Variants in FN1 observed in about 807,000 individuals in gnomAD.
FN1 encodes the protein fibronectin.
Under a neutral mutation model 297.3 loss-of-function variants are expected in FN1, and 106 were observed. That is an observed-to-expected ratio of 0.36 (90% confidence interval 0.30 to 0.42). FN1 has a LOEUF of 0.42. Among genes scored for constraint, FN1 ranks in the 10% least tolerant of loss-of-function variants. The pLI, the probability that FN1 is intolerant of heterozygous loss-of-function variation, is 1.00. For missense variants in FN1, 2,690 were observed against 3,124.9 expected, an observed-to-expected ratio of 0.86 and a Z score of 3.32; for synonymous variants, 1,149 against 1,152.6, an observed-to-expected ratio of 1.00 and a Z score of 0.06.
At position 215,409,619 on chromosome 2, in the gene FN1, G is replaced by A. The variant is rs766013525; in HGVS notation, c.2243C>T (p.Ser748Leu). The change falls in exon 15 of 46, where the codon TCG becomes TTG. Residue 748 changes from serine (S) to leucine (L), a missense_variant. Ser to Leu is a moderately radical substitution (Grantham distance 145, BLOSUM62 -2). This residue lies in a region of FN1 where 876 missense variants were observed against 1,058.1 expected (regional missense o/e 0.83). Transcript: ENST00000354785. ...VSWVSASDTVSGFRVEYELSE... is the reference protein window; with the variant it reads ...VSWVSASDTVLGFRVEYELSE... Reference sequence around the variant, plus strand: ...CAGCTCATATTCCACCCGGAATCCCGACACGGTGTCGGAAGCTGAGACCCA... The same window carrying A: ...CAGCTCATATTCCACCCGGAATCCCAACACGGTGTCGGAAGCTGAGACCCA... The A allele has an allele frequency of 5.6e-6, 9 of 1,613,974 alleles. No individual in the cohort carries two copies. The highest frequency in any genetic ancestry group is 3.3e-5 in the Admixed American group (2 of 60,004).
chr2:215,424,028 G>T, intron 8 of FN1, 118 bp downstream of exon 8: 1 of 1,038,720 alleles, frequency 9.6e-7, no homozygotes, highest in Non-Finnish European at 1.5e-6. Flanking sequence ...AGTCCAAACT[G>T]AACAAAAGCG....
chr2:215,383,893 A>G, intron 30 of FN1, 127 bp downstream of exon 30: 1 of 1,003,004 alleles, frequency 1.0e-6, no homozygotes, highest in Non-Finnish European at 1.5e-6. Flanking sequence ...TGCAGGTGCT[A>G]GCTGCAGGTT....
intron 29 of FN1, 137 bp downstream of exon 29, chr2:215,384,723 T>A: frequency 1.4e-6 from 1 of 695,752 alleles, no homozygotes. Flanking sequence ...TCTTACGTAT[T>A]TTCTTGGAAA....
chr2:215,361,118 T>G lies in FN1; in HGVS notation c.*437A>C, dbSNP rs1188735843. 2.3e-5 allele frequency: 4 copies of G among 170,292 alleles called. No homozygotes were observed. The highest frequency in any genetic ancestry group is 5.1e-5 in the Non-Finnish European group (4 of 78,442). 10.5% of individuals were successfully genotyped at this position (170,292 alleles called of 1,614,324 possible). A position where few individuals can be genotyped will look rare whatever the true frequency, so the allele number is the denominator to read the frequency against. ...GTGAGTACTGTGGATATTTAAAATA[T>G]CACAGTAACAAGATCATGCTTGTTC... On this transcript the variant is annotated 3_prime_UTR_variant, in exon 46 of 46. Transcript: ENST00000354785.
intron 21 of FN1, 24 bp downstream of exon 21, chr2:215,399,233 A>C (rs771367652): frequency 6.5e-7 from 1 of 1,546,848 alleles, no homozygotes; most frequent in Admixed American, 1.7e-5. Context: ...TGTATCACAG[A>C]GATTAGGAAC....
chr2:215,396,522 GAATAT>G (rs2060328268), intron 23 of FN1, among the ~76,000 whole-genome samples: 1 of 151,972 alleles, frequency 6.6e-6, no homozygotes, highest in African/African-American at 2.4e-5. Context: ...AGTTTGCATA[GAATAT>G]AATTAAAAAA....
rs1052314235 is a variant in FN1 at position 215,361,811 on chromosome 2, C to G, written c.7362+158G>C. 31 of 611,820 alleles carry G rather than the reference C, an allele frequency of 5.1e-5. No individual in the cohort carries two copies. The Admixed American group carries it at 1.8e-3, about 36-fold the overall frequency. 37.9% of individuals were successfully genotyped at this position (611,820 alleles called of 1,614,324 possible). ...TGTTCAAGAGTTACATAAATTATAACTTAAACTATATTATGGAATACAGTG... is the reference window on the plus strand; with the variant it reads ...TGTTCAAGAGTTACATAAATTATAAGTTAAACTATATTATGGAATACAGTG... On this transcript the variant is annotated intron_variant, in intron 45 of 45. Transcript: ENST00000354785.
Position 215,372,335 on chromosome 2 carries a change from AAG to A in FN1, c.6286_6287del (p.Leu2096SerfsTer24). The A allele has an allele frequency of 6.2e-7, 1 of 1,614,194 alleles. No individual in the cohort carries two copies. Among genetic ancestry groups the A allele is most frequent in the African/African-American group, 1.3e-5 (1 of 75,050 alleles). Reference sequence around the variant, plus strand: ...GAACATCCAAGATCTCTGGTCCATGAAGATTGGGGTGTGGAAGGGTTACCAGT... The same window carrying A: ...GAACATCCAAGATCTCTGGTCCATGAATTGGGGTGTGGAAGGGTTACCAGT... ...PQLVTLPHPN[L>X]HGPEILDVPS... On this transcript the variant is annotated frameshift_variant, in exon 40 of 46. Transcript: ENST00000354785. LOFTEE classifies it high-confidence loss of function.
At chr2:215,423,131 A>G (rs1242802504) in intron 9 of FN1, among the ~76,000 whole-genome samples, 1 of 152,116 alleles carries the variant, frequency 6.6e-6, no homozygotes, top group African/African-American at 2.4e-5. Context: ...AAAATTATAT[A>G]AATAATTATC....
At chr2:215,365,428 T>C in intron 43 of FN1, 77 bp downstream of exon 43, 2 of 1,474,820 alleles carry the variant, frequency 1.4e-6, no homozygotes, top group Non-Finnish European at 1.9e-6. Context: ...CAATCATTTC[T>C]GTGAATGAGA....
At chr2:215,401,974 C>T (rs2061229326) in intron 20 of FN1, among the ~76,000 whole-genome samples, 1 of 151,814 alleles carries the variant, frequency 6.6e-6, no homozygotes, top group Admixed American at 6.6e-5. Flanking sequence ...GATGGGTGAC[C>T]CGATGCCTTT....
intron 21 of FN1, among the ~76,000 whole-genome samples, chr2:215,398,244 C>A (rs1260831486): frequency 6.6e-6 from 1 of 152,198 alleles, no homozygotes; most frequent in Non-Finnish European, 1.5e-5. Flanking sequence ...ATTCAATTAA[C>A]CTTTTAGTTG....
At position 215,423,492 on chromosome 2, in the gene FN1, A is replaced by G; in HGVS notation, c.1251T>C (p.Gly417=). The G allele has an allele frequency of 6.2e-7, 1 of 1,614,230 alleles. No individual in the cohort carries two copies. Among genetic ancestry groups the G allele is most frequent in the Admixed American group, 1.7e-5 (1 of 60,030 alleles). The change falls in exon 9 of 46, where the codon GGT becomes GGC. Residue 417 remains glycine, a synonymous_variant. Coordinates refer to ENST00000354785, the MANE Select transcript of FN1 (RefSeq NM_212482.4). ...LVQTRGGNSN[G]ALCHFPFLYN... is the part of the protein sequence containing the mutation. ...ATAGGAAGGGGAAGTGGCACAAGGC[A>G]CCATTGGAATTTCCTCCTCGAGTCT... is the stretch of plus-strand genomic sequence containing the variant.
Position 215,371,900 on chromosome 2 carries a change from A to G in FN1, c.6714+9T>C, listed in dbSNP as rs755217864. 5 of 1,606,104 alleles carry G rather than the reference A, an allele frequency of 3.1e-6. No homozygotes were observed. Among genetic ancestry groups the G allele is most frequent in the Middle Eastern group, 1.7e-4 (1 of 6,044 alleles). ...TGCCCCATGAGAAGTGAAGAGAACA[A>G]TTAATTACCTGTAAGGGTTCTTCAT... On this transcript the variant is annotated intron_variant, in intron 40 of 45. Coordinates refer to ENST00000354785, the MANE Select transcript of FN1 (RefSeq NM_212482.4).
chr2:215,404,775 T>C, intron 19 of FN1, 120 bp from the exon 20 acceptor site: 1 of 974,788 alleles, frequency 1.0e-6, no homozygotes, highest in Non-Finnish European at 1.6e-6. Flanking sequence ...TATGTGAAAG[T>C]CAAAACCCTG....
In FN1 at chr2:215,379,138, C is replaced by G; in HGVS notation, c.5614G>C (p.Gly1872Arg). 6.2e-7 allele frequency: 1 copy of G among 1,614,006 alleles called. No individual in the cohort carries two copies. Among genetic ancestry groups the G allele is most frequent in the South Asian group, 1.1e-5 (1 of 91,076 alleles). The change falls in exon 34 of 46, where the codon GGA becomes CGA. Residue 1872 changes from glycine to arginine, a missense_variant. Transcript: ENST00000354785. ...APDSSSVVVSGLMVATKYEVS... is the reference protein window; with the variant it reads ...APDSSSVVVSRLMVATKYEVS... ...CAACGGTCATGTCTTACCATAAGTC[C>G]TGATACAACCACGGATGAGCTGTCA...
intron 30 of FN1, 120 bp from the exon 31 acceptor site, chr2:215,383,603 C>G: frequency 9.3e-7 from 1 of 1,075,696 alleles, no homozygotes; most frequent in Non-Finnish European, 1.4e-6. Context: ...AAAGGTATTT[C>G]TTCTCGAAAG....
chr2:215,409,781 T>C (rs1251580468), intron 14 of FN1, 42 bp from the exon 15 acceptor site: 5 of 1,610,230 alleles, frequency 3.1e-6, no homozygotes, highest in Non-Finnish European at 4.3e-6. Flanking sequence ...TTCAGTCATC[T>C]AGAAAATTTA....
chr2:215,386,076 CTTTT>C (rs571159227), intron 28 of FN1, among the ~76,000 whole-genome samples: 4 of 109,434 alleles, frequency 3.7e-5, no homozygotes, highest in South Asian at 3.1e-4. Context: ...GCGCCTGGCC[CTTTT>C]TTTTTTTTTT....
Sources: allele counts gnomAD v4.1 joint callset (sites outside exome capture counted in the v4.1 genomes callset), GRCh38; gene constraint gnomAD v4.1.1; regional missense constraint gnomAD v4.1.1; transcripts MANE v1.5; gene names NCBI Gene and HGNC (gene_info 2026-07-23, HGNC 2026-07-21).